P2RX1: variants seen among roughly 807,000 people sequenced by gnomAD.
The protein encoded by P2RX1 is P2X purinoceptor 1.
In P2RX1, 42 loss-of-function variants were observed where a neutral mutation model predicts 50.3. The observed-to-expected ratio is 0.83, with a 90% CI of 0.65 to 1.08. The LOEUF (loss-of-function observed/expected upper bound fraction) is 1.08. Ranked by LOEUF, P2RX1 falls within the 50% of genes least tolerant of loss-of-function variation. P2RX1 has a pLI of 0.00. For synonymous variants in P2RX1, 199 were observed against 202.6 expected (o/e 0.98, Z 0.15); for missense variants, 449 against 529.0 (o/e 0.85, Z 1.48).
intron 1 of P2RX1, among the ~76,000 whole-genome samples, chr17:3,909,484 G>A (rs1015742365): frequency 2.6e-5 from 4 of 152,064 alleles, no homozygotes; most frequent in East Asian, 1.9e-4. Context: ...CCTCAGACAC[G>A]CTGTGTCCCC....
intron 3 of P2RX1, 190 bp from the exon 4 acceptor site, chr17:3,904,589 A>ATGCCCAGC: frequency 3.1e-6 from 2 of 651,552 alleles, no homozygotes; most frequent in Non-Finnish European, 5.3e-6. Context: ...CCCCGGGCTC[A>ATGCCCAGC]TGCCCAGCTG....
rs754567501 is a variant in P2RX1 at position 3,899,673 on chromosome 17, A to C, written c.836T>G (p.Leu279Arg). The C allele has an allele frequency of 2.5e-6, 4 of 1,613,966 alleles. No homozygotes were observed. The Admixed American group carries it at 6.7e-5, about 27-fold the overall frequency. ...HCRPIYEFHGLYEEKNLSPGF... is the reference protein window; with the variant it reads ...HCRPIYEFHGRYEEKNLSPGF... The stretch of plus-strand genomic sequence containing the variant: ...TGGGGAGAGATTTTTCTCTTCGTAC[A>C]GCCCATGGAACTCATAGATGGGTCT... The change falls in exon 8 of 12, where the codon CTG becomes CGG. Residue 279 changes from leucine (L) to arginine (R), a missense_variant. Physicochemically the swap from Leu to Arg is moderately radical, Grantham distance 102 (BLOSUM62 -2). Transcript: ENST00000225538.
intron 3 of P2RX1, 22 bp from the exon 4 acceptor site, chr17:3,904,421 GGTCCCA>G (rs961458768): frequency 1.1e-5 from 17 of 1,608,950 alleles, no homozygotes. Context: ...AAAAGCTGCT[GGTCCCA>G]GGCCCCTTGG....
chr17:3,915,856 A>G (rs910916461), intron 1 of P2RX1: 2 of 668,344 alleles, frequency 3.0e-6, no homozygotes, highest in Admixed American at 2.1e-5. Context: ...GAACCCAGAG[A>G]CTCTGCCTCC....
At chr17:3,905,492 G>T in intron 1 of P2RX1, 125 bp from the exon 2 acceptor site, 1 of 1,127,988 alleles carries the variant, frequency 8.9e-7, no homozygotes, top group Non-Finnish European at 1.3e-6. Flanking sequence ...CCTGTCTTGG[G>T]CTAGAGGCAG....
chr17:3,897,587 C>A lies in P2RX1; in HGVS notation c.*227G>T. On this transcript the variant is annotated 3_prime_UTR_variant, in exon 12 of 12. Transcript: ENST00000225538. The stretch of plus-strand genomic sequence containing the variant: ...AGCCCCAGCCATTCCCCACCAGGAG[C>A]GGCTGAGGCTAGGGTAGGGCTCCCT... 1 of 592,384 alleles carries A rather than the reference C, an allele frequency of 1.7e-6. No homozygotes were observed. 36.7% of individuals were successfully genotyped at this position (592,384 alleles called of 1,614,324 possible). A position where few individuals can be genotyped will look rare whatever the true frequency, so the allele number is the denominator to read the frequency against.
At position 3,916,325 on chromosome 17, in the gene P2RX1, G is replaced by A. The variant is rs530356465; in HGVS notation, c.-100C>T. ...CACGTCGATGGTAGAGCTTCTGGGG[G>A]CTTCCTGGCCCCTTAGGAAGAGCAG... On this transcript the variant is annotated 5_prime_UTR_variant, in exon 1 of 12. Coordinates refer to ENST00000225538, the MANE Select transcript of P2RX1 (RefSeq NM_002558.4). 11 of 1,372,156 alleles carry A rather than the reference G, an allele frequency of 8.0e-6. No individual in the cohort carries two copies. In the African/African-American group the frequency reaches 1.4e-4, roughly 18 times the overall value. The allele number at this position is 1,372,156 out of a possible 1,614,324, so 85.0% of individuals were successfully genotyped here. A position where few individuals can be genotyped will look rare whatever the true frequency, so the allele number is the denominator to read the frequency against.
Position 3,899,695 on chromosome 17 carries a change from G to A in P2RX1, c.814C>T (p.Pro272Ser). 1.2e-6 allele frequency: 2 copies of A among 1,614,046 alleles called. No homozygotes were observed. The highest frequency in any genetic ancestry group is 1.7e-6 in the Non-Finnish European group (2 of 1,179,940). ...TACAGCCCATGGAACTCATAGATGGGTCTGCAGTGCCGTACGTGCCAGTCC... is the reference window on the plus strand; with the variant it reads ...TACAGCCCATGGAACTCATAGATGGATCTGCAGTGCCGTACGTGCCAGTCC... ...DLDWHVRHCR[P>S]IYEFHGLYEE... The change falls in exon 8 of 12, where the codon CCC (proline) becomes TCC (serine). Residue 272 changes from proline to serine, a missense_variant. By Grantham distance (74) the Pro-to-Ser change is moderately conservative (BLOSUM62 -1). Coordinates refer to ENST00000225538, the MANE Select transcript of P2RX1 (RefSeq NM_002558.4).
At position 3,897,723 on chromosome 17, in the gene P2RX1, C is replaced by T. The variant is rs935235613; in HGVS notation, c.*91G>A. The T allele has an allele frequency of 1.2e-5, 14 of 1,189,828 alleles. No homozygotes were observed. Among genetic ancestry groups the T allele is most frequent in the Non-Finnish European group, 1.7e-5 (14 of 818,110 alleles). The allele number at this position is 1,189,828 out of a possible 1,614,324, so 73.7% of individuals were successfully genotyped here. On this transcript the variant is annotated 3_prime_UTR_variant, in exon 12 of 12. Transcript: ENST00000225538. Reference sequence around the variant, plus strand: ...GCCTGGCTGAGAGGGTAGGAGACTTCCTGGGGAGGCCCCTCTGCCCTGGCT... The same window carrying T: ...GCCTGGCTGAGAGGGTAGGAGACTTTCTGGGGAGGCCCCTCTGCCCTGGCT...
chr17:3,915,999 G>A (rs1350628634), intron 1 of P2RX1, 90 bp downstream of exon 1: 1 of 1,449,444 alleles, frequency 6.9e-7, no homozygotes, highest in South Asian at 1.2e-5. Context: ...AGGAAGAGGG[G>A]CTCGCTGGTG....
Position 3,897,568 on chromosome 17 carries a change from A to C in P2RX1, c.*246T>G, listed in dbSNP as rs1424255206. ...GTGTGGGAGGGTCCTGCCCAGCCCC[A>C]GCCATTCCCCACCAGGAGCGGCTGA... On this transcript the variant is annotated 3_prime_UTR_variant, in exon 12 of 12. Coordinates refer to ENST00000225538, the MANE Select transcript of P2RX1 (RefSeq NM_002558.4). 3.4e-6 allele frequency: 2 copies of C among 587,260 alleles called. No homozygotes were observed. The highest frequency in any genetic ancestry group is 2.9e-5 in the Admixed American group (1 of 34,806). 36.4% of individuals were successfully genotyped at this position (587,260 alleles called of 1,614,324 possible).
rs919854793 is a variant in P2RX1, at chr17:3,914,298, A to G, written c.137+1791T>C. ...AGCCCCACAGACACCGAGAAGGGCC[A>G]CATCCATTTGGAAACTGATTAGACA... On this transcript the variant is annotated intron_variant, in intron 1 of 11. Coordinates refer to ENST00000225538, the MANE Select transcript of P2RX1 (RefSeq NM_002558.4). The surrounding 1 kb of genome is among the most constrained non-coding windows in gnomAD (Gnocchi z 4.1). Among the ~76,000 whole-genome samples the G allele has an allele frequency of 1.3e-5, 2 of 151,450 alleles. No individual in the cohort carries two copies. Among genetic ancestry groups the G allele is most frequent in the Admixed American group, 1.3e-4 (2 of 15,210 alleles).
chr17:3,904,507 G>T, intron 3 of P2RX1, 108 bp from the exon 4 acceptor site: 1 of 950,796 alleles, frequency 1.1e-6, no homozygotes, highest in South Asian at 1.4e-5. Flanking sequence ...CAGAGTCTCA[G>T]ACCTCTCTGG....
At chr17:3,909,862 G>C (rs912909973) in intron 1 of P2RX1, among the ~76,000 whole-genome samples, 31 of 151,696 alleles carry the variant, frequency 2.0e-4, no homozygotes, top group African/African-American at 7.3e-4. Context: ...GAGTCAAAAG[G>C]CTCTTAATAC....
chr17:3,912,604 T>C (rs1276871208), intron 1 of P2RX1, among the ~76,000 whole-genome samples: 2 of 152,252 alleles, frequency 1.3e-5, no homozygotes, highest in Non-Finnish European at 2.9e-5. Flanking sequence ...GTGCTGGGAT[T>C]ACAGGCGTGA....
intron 1 of P2RX1, chr17:3,915,791 G>A (rs2052394171): frequency 1.5e-5 from 8 of 542,810 alleles, no homozygotes; most frequent in Non-Finnish European, 1.4e-5. Context: ...GTGGTGCCCT[G>A]GCCCTGAACA....
At chr17:3,909,762 T>C (rs2056330590) in intron 1 of P2RX1, among the ~76,000 whole-genome samples, 1 of 151,906 alleles carries the variant, frequency 6.6e-6, no homozygotes, top group Admixed American at 6.6e-5. Context: ...AACACAAAAG[T>C]GAACAAAACA....
chr17:3,905,772 A>G lies in P2RX1; in HGVS notation c.138-405T>C, dbSNP rs894437549. On this transcript the variant is annotated intron_variant, in intron 1 of 11. Transcript: ENST00000225538. ...TGAGGCAGGAGAATCTCTTGAACCC[A>G]GGAGCCGGAGGTTGCAGTGAGCCGA... Among the ~76,000 whole-genome samples, 3 of 149,258 alleles carry G rather than the reference A, an allele frequency of 2.0e-5. No homozygotes were observed. The Admixed American group carries it at 2.0e-4, about 10-fold the overall frequency.
rs146328632 is a variant in P2RX1, at chr17:3,913,966, T to C, written c.137+2123A>G. Reference sequence around the variant, plus strand: ...CTGGGTCAGGGGTTCGGTTTGCCGCTGTGGGTTCCTGGCTGAGAGGTCAGT... The same window carrying C: ...CTGGGTCAGGGGTTCGGTTTGCCGCCGTGGGTTCCTGGCTGAGAGGTCAGT... On this transcript the variant is annotated intron_variant, in intron 1 of 11. Coordinates refer to ENST00000225538, the MANE Select transcript of P2RX1 (RefSeq NM_002558.4). Among the ~76,000 whole-genome samples, 598 of 152,228 alleles carry C rather than the reference T, an allele frequency of 3.9e-3. 6 individuals carry two copies. Among genetic ancestry groups the C allele is most frequent in the Middle Eastern group, 0.014 (4 of 294 alleles).
Sources: gnomAD v4.1 joint callset for allele counts (sites outside exome capture counted in the v4.1 genomes callset) on GRCh38, gnomAD v4.1.1 for gene constraint, Gnocchi (gnomAD v3.1) non-coding constraint, MANE v1.5 for transcripts, NCBI Gene and HGNC (gene_info 2026-07-23, HGNC 2026-07-21) for gene names.